The following KIF26B variants were observed in gnomAD, a reference collection of about 807,000 sequenced individuals.
KIF26B encodes kinesin-like protein KIF26B.
A neutral mutation model predicts 151.2 loss-of-function variants in KIF26B; 63 were observed. That is an observed-to-expected ratio of 0.42 (90% confidence interval 0.34 to 0.51). The LOEUF is 0.51. Ranked by LOEUF, KIF26B falls within the 20% of genes least tolerant of loss-of-function variation. The probability of loss-of-function intolerance (pLI) is 0.07; values close to 1 mark genes in which losing one functional copy is unlikely to be tolerated. For synonymous variants in KIF26B, 1,357 were observed against 1,262.1 expected (o/e 1.08, Z -1.59); for missense variants, 2,813 against 2,913.6 (o/e 0.97, Z 0.79).
intron 12 of KIF26B, among the ~76,000 whole-genome samples, chr1:245,690,884 T>C (rs1450274943): frequency 3.9e-5 from 6 of 152,206 alleles, no homozygotes; most frequent in Non-Finnish European, 1.5e-5. Context: ...GCAGCTTCTG[T>C]GTCTTATGGC....
rs200129014 is a variant in KIF26B, at chr1:245,266,759, CCT to C, written c.466-100073_466-100072del. On this transcript the variant is annotated intron_variant, in intron 2 of 14. Transcript: ENST00000407071. ...TGACCTTGTGATCCACCTGCCTTGG[CCT>C]CCCAAAGTGCTGGGATTACAGATGT... Among the ~76,000 whole-genome samples, 834 of 152,250 alleles carry C rather than the reference CCT, an allele frequency of 5.5e-3. 9 individuals carry two copies. The East Asian group carries it at 0.068, about 12-fold the overall frequency.
chr1:245,623,623 A>G (rs2043688801), intron 9 of KIF26B, among the ~76,000 whole-genome samples: 1 of 152,224 alleles, frequency 6.6e-6, no homozygotes, highest in Non-Finnish European at 1.5e-5. Context: ...AAATGACATC[A>G]CAAGTAGAAA....
At chr1:245,476,764 G>A (rs1282784966) in intron 4 of KIF26B, among the ~76,000 whole-genome samples, 1 of 151,602 alleles carries the variant, frequency 6.6e-6, no homozygotes, top group Non-Finnish European at 1.5e-5. Context: ...GGGCTCAAGT[G>A]ATCCGCCTGC....
chr1:245,283,292 A>C (rs936018758), intron 2 of KIF26B, among the ~76,000 whole-genome samples: 2 of 151,774 alleles, frequency 1.3e-5, no homozygotes, highest in African/African-American at 2.4e-5. Flanking sequence ...ACCCACCGCG[A>C]GCCCAATCCG....
chr1:245,226,523 C>T (rs533467258), intron 2 of KIF26B, among the ~76,000 whole-genome samples: 2 of 151,786 alleles, frequency 1.3e-5, no homozygotes, highest in South Asian at 2.1e-4. Flanking sequence ...AGTGCAATGG[C>T]GCGATCTCGG....
intron 4 of KIF26B, among the ~76,000 whole-genome samples, chr1:245,454,109 T>C (rs1211494276): frequency 2.0e-5 from 3 of 152,162 alleles, no homozygotes; most frequent in Non-Finnish European, 4.4e-5. Flanking sequence ...ATTTGAAATA[T>C]TGGTTTTAAT....
intron 2 of KIF26B, among the ~76,000 whole-genome samples, chr1:245,349,479 C>G (rs1025177651): frequency 2.0e-5 from 3 of 150,954 alleles, no homozygotes; most frequent in African/African-American, 7.3e-5. Flanking sequence ...CTTGAATAAT[C>G]CTGTTTTACC....
At chr1:245,442,718 C>T (rs1168417343) in intron 4 of KIF26B, among the ~76,000 whole-genome samples, 2 of 151,820 alleles carry the variant, frequency 1.3e-5, no homozygotes, top group South Asian at 4.2e-4. Context: ...ATCTCCCTCA[C>T]TGTTCACCTA....
intron 3 of KIF26B, among the ~76,000 whole-genome samples, chr1:245,390,182 T>C (rs1449647272): frequency 1.3e-5 from 2 of 151,708 alleles, no homozygotes; most frequent in African/African-American, 2.4e-5. Flanking sequence ...AGGGTTTTTT[T>C]TTTTTTAAGA....
At chr1:245,240,025 C>A (rs1670184892) in intron 2 of KIF26B, among the ~76,000 whole-genome samples, 1 of 151,988 alleles carries the variant, frequency 6.6e-6, no homozygotes, top group South Asian at 2.1e-4. Flanking sequence ...CAAAGATTAG[C>A]CGAGTGTCAT....
At chr1:245,361,249 G>A (rs984251820) in intron 2 of KIF26B, among the ~76,000 whole-genome samples, 1 of 152,174 alleles carries the variant, frequency 6.6e-6, no homozygotes, top group African/African-American at 2.4e-5. Context: ...TCGTTCAAAC[G>A]GAAGTCATTC....
intron 3 of KIF26B, among the ~76,000 whole-genome samples, chr1:245,393,853 C>T (rs1158182831): frequency 6.6e-6 from 1 of 152,194 alleles, no homozygotes; most frequent in Non-Finnish European, 1.5e-5. Flanking sequence ...AGCCTAGATG[C>T]CCTGGGTGTT....
chr1:245,419,136 T>G (rs1224355258), intron 3 of KIF26B, among the ~76,000 whole-genome samples: 1 of 152,192 alleles, frequency 6.6e-6, no homozygotes, highest in African/African-American at 2.4e-5. Flanking sequence ...TTTGATTCCT[T>G]ATGTTCTTTA....
intron 3 of KIF26B, among the ~76,000 whole-genome samples, chr1:245,403,341 C>T (rs1033716920): frequency 3.9e-5 from 6 of 152,136 alleles, no homozygotes; most frequent in African/African-American, 9.7e-5. Flanking sequence ...CCCCATTTTT[C>T]GGATGCGTTC....
intron 2 of KIF26B, among the ~76,000 whole-genome samples, chr1:245,354,891 T>A (rs1289031358): frequency 6.6e-6 from 1 of 152,210 alleles, no homozygotes; most frequent in Non-Finnish European, 1.5e-5. Context: ...CCCACGGACA[T>A]CTAGGACTGG....
intron 4 of KIF26B, among the ~76,000 whole-genome samples, chr1:245,482,379 T>A (rs1244059170): frequency 2.0e-5 from 3 of 151,888 alleles, no homozygotes; most frequent in African/African-American, 7.2e-5. Context: ...TGAGCCACCA[T>A]GCCTGGTCAA....
chr1:245,180,981 G>C (rs1203942288), intron 2 of KIF26B, among the ~76,000 whole-genome samples: 1 of 152,060 alleles, frequency 6.6e-6, no homozygotes, highest in Non-Finnish European at 1.5e-5. Context: ...GGGACATTGT[G>C]CACCCCCTTC....
At chr1:245,553,815 T>A (rs1661953478) in intron 5 of KIF26B, among the ~76,000 whole-genome samples, 1 of 152,078 alleles carries the variant, frequency 6.6e-6, no homozygotes, top group South Asian at 2.1e-4. Context: ...GTGATTCCAT[T>A]TCATTGAGAA....
intron 2 of KIF26B, among the ~76,000 whole-genome samples, chr1:245,169,328 G>GGTGTGTGTGTGTGTGTGTGTGT (rs58501579): frequency 7.5e-6 from 1 of 134,092 alleles, no homozygotes; most frequent in African/African-American, 2.9e-5. Context: ...AACGGGCCAT[G>GGTGTGTGTGTGTGTGTGTGTGT]GTGTGTGTGT....
Sources: allele counts gnomAD v4.1 joint callset (sites outside exome capture counted in the v4.1 genomes callset), GRCh38; gene constraint gnomAD v4.1.1; transcripts MANE v1.5; gene names NCBI Gene and HGNC (gene_info 2026-07-23, HGNC 2026-07-21).